VPS13B: variants seen among roughly 807,000 people sequenced by gnomAD.
VPS13B encodes intermembrane lipid transfer protein VPS13B.
Under a neutral mutation model 426.4 loss-of-function variants are expected in VPS13B, and 285 were observed. The observed-to-expected ratio is 0.67, with a 90% CI of 0.61 to 0.74. The LOEUF is 0.74. Among genes scored for constraint, VPS13B ranks in the 30% least tolerant of loss-of-function variants. The pLI is 0.00. For synonymous variants in VPS13B, 1,676 were observed against 1,676.4 expected, an observed-to-expected ratio of 1.00 and a Z score of 0.01; for missense variants, 4,537 against 4,782.6, an observed-to-expected ratio of 0.95 and a Z score of 1.51.
chr8:99,740,286 AGAAAT>A (rs1809635665), intron 39 of VPS13B, among the ~76,000 whole-genome samples: 1 of 152,238 alleles, frequency 6.6e-6, no homozygotes, highest in African/African-American at 2.4e-5. Flanking sequence ...AAGAATAAAA[AGAAAT>A]GAACAAAGCC....
At chr8:99,377,240 C>T (rs1303049889) in intron 19 of VPS13B, among the ~76,000 whole-genome samples, 2 of 152,106 alleles carry the variant, frequency 1.3e-5, no homozygotes, top group African/African-American at 2.4e-5. Context: ...GTAAAATACT[C>T]AGCCATTACC....
At chr8:99,014,017 T>A in intron 2 of VPS13B, 82 bp downstream of exon 2, 4 of 1,598,698 alleles carry the variant, frequency 2.5e-6, no homozygotes, top group Non-Finnish European at 3.4e-6. Context: ...GCTTTGACTT[T>A]ATGCTGTAAA....
chr8:99,071,069 G>A (rs893841975), intron 3 of VPS13B, among the ~76,000 whole-genome samples: 1 of 152,084 alleles, frequency 6.6e-6, no homozygotes, highest in Non-Finnish European at 1.5e-5. Context: ...TCATATCTCT[G>A]TCTCTTCAGG....
intron 19 of VPS13B, among the ~76,000 whole-genome samples, chr8:99,364,748 G>T (rs1256725878): frequency 6.6e-6 from 1 of 152,048 alleles, no homozygotes; most frequent in Non-Finnish European, 1.5e-5. Flanking sequence ...TTCTTTTTTT[G>T]ATGTGTCTTT....
At position 99,876,580 on chromosome 8, in the gene VPS13B, C is replaced by CAATT. The variant is rs969984391; in HGVS notation, c.*916_*919dup. On this transcript the variant is annotated 3_prime_UTR_variant, in exon 62 of 62. Coordinates refer to ENST00000357162, the MANE Select transcript of VPS13B (RefSeq NM_152564.5). ...ACAAGAACCCCAATATTAATGCTAA[C>CAATT]AATTATACCAGTCCATTTTGTTTAT... 16 of 152,186 alleles carry CAATT rather than the reference C, an allele frequency of 1.1e-4. No individual in the cohort carries two copies. Among genetic ancestry groups the CAATT allele is most frequent in the African/African-American group, 3.6e-4 (15 of 41,450 alleles). 9.4% of individuals were successfully genotyped at this position (152,186 alleles called of 1,614,324 possible).
Position 99,474,183 on chromosome 8 carries a change from A to ATTTTTTTTTTTTTTTTTTTTTTTT in VPS13B, c.3666+6569_3666+6570insTTTTTTTTTTTTTTTTTTTTTTTT, listed in dbSNP as rs34752686. ...TCTTCAAACAATGGACTGTTATCCA[A>ATTTTTTTTTTTTTTTTTTTTTTTT]TTTTTTTTTTTTTTTTTTTTGTGGA... is the stretch of plus-strand genomic sequence containing the variant. On this transcript the variant is annotated intron_variant, in intron 24 of 61. Coordinates refer to ENST00000357162, the MANE Select transcript of VPS13B (RefSeq NM_152564.5). Among the ~76,000 whole-genome samples the ATTTTTTTTTTTTTTTTTTTTTTTT allele has an allele frequency of 1.3e-4, 16 of 124,960 alleles. 2 individuals carry two copies. Among genetic ancestry groups the ATTTTTTTTTTTTTTTTTTTTTTTT allele is most frequent in the African/African-American group, 4.6e-4 (14 of 30,754 alleles). 82.0% of individuals were successfully genotyped at this position (124,960 alleles called of 152,430 possible). A position where few individuals can be genotyped will look rare whatever the true frequency, so the allele number is the denominator to read the frequency against.
At chr8:99,849,498 A>G (rs370517335) in intron 55 of VPS13B, among the ~76,000 whole-genome samples, 1 of 152,238 alleles carries the variant, frequency 6.6e-6, no homozygotes, top group South Asian at 2.1e-4. Flanking sequence ...CAAATTAACA[A>G]TGATGTTGTA....
intron 19 of VPS13B, among the ~76,000 whole-genome samples, chr8:99,314,172 G>A (rs892843994): frequency 2.1e-4 from 32 of 152,062 alleles, no homozygotes; most frequent in Admixed American, 2.0e-3. Flanking sequence ...TGCACCCACT[G>A]TCCTGCCCCC....
At position 99,400,732 on chromosome 8, in the gene VPS13B, G is replaced by A. The variant is rs994402909; in HGVS notation, c.3082+9028G>A. Among the ~76,000 whole-genome samples the A allele has an allele frequency of 2.0e-5, 3 of 152,072 alleles. 1 individual carries two copies. The highest frequency in any genetic ancestry group is 2.9e-5 in the Non-Finnish European group (2 of 68,010). On this transcript the variant is annotated intron_variant, in intron 21 of 61. Transcript: ENST00000357162. ...TGTCATCCAGGCTGGAGTGCAGTGC[G>A]CAATCTCAGCTCACTACAACCTCCA... is the stretch of plus-strand genomic sequence containing the variant.
chr8:99,283,957 T>C (rs139875535), intron 19 of VPS13B, among the ~76,000 whole-genome samples: 56 of 152,304 alleles, frequency 3.7e-4, no homozygotes, highest in African/African-American at 1.3e-3. Context: ...ATTGATATTT[T>C]TTCCCGTTAA....
intron 33 of VPS13B, among the ~76,000 whole-genome samples, chr8:99,583,892 C>T (rs1483632310): frequency 1.3e-5 from 2 of 151,968 alleles, no homozygotes; most frequent in African/African-American, 4.8e-5. Context: ...TTGAGGTAGT[C>T]ATGAATGGAA....
At chr8:99,225,646 A>G (rs184312593) in intron 17 of VPS13B, among the ~76,000 whole-genome samples, 24 of 152,298 alleles carry the variant, frequency 1.6e-4, no homozygotes, top group Admixed American at 9.8e-4. Flanking sequence ...CTTGTAAGTC[A>G]TCATGTTCTG....
chr8:99,441,103 G>T (rs1381290904), intron 22 of VPS13B, among the ~76,000 whole-genome samples: 1 of 151,992 alleles, frequency 6.6e-6, no homozygotes, highest in Non-Finnish European at 1.5e-5. Context: ...TATCTAATCT[G>T]CAGTATAAGA....
intron 19 of VPS13B, among the ~76,000 whole-genome samples, chr8:99,360,363 C>G (rs1053314285): frequency 6.7e-6 from 1 of 150,262 alleles, no homozygotes; most frequent in African/African-American, 2.5e-5. Context: ...GTGCAAGCTC[C>G]GCCTCCCGGG....
At chr8:99,253,038 T>C (rs952183298) in intron 17 of VPS13B, among the ~76,000 whole-genome samples, 5 of 152,126 alleles carry the variant, frequency 3.3e-5, no homozygotes, top group Admixed American at 6.5e-5. Flanking sequence ...CTACTTAGTG[T>C]CTCTGTGGAA....
At chr8:99,161,426 T>TA (rs1370091401) in intron 15 of VPS13B, among the ~76,000 whole-genome samples, 1 of 152,204 alleles carries the variant, frequency 6.6e-6, no homozygotes, top group Non-Finnish European at 1.5e-5. Flanking sequence ...GTCATCAATA[T>TA]AGTCACCATC....
intron 34 of VPS13B, among the ~76,000 whole-genome samples, chr8:99,658,800 C>T (rs1016460311): frequency 6.6e-6 from 1 of 151,766 alleles, no homozygotes. Context: ...TTTTTTTGTT[C>T]TTGTTGTTGT....
At chr8:99,316,054 G>T (rs1480412107) in intron 19 of VPS13B, among the ~76,000 whole-genome samples, 2 of 152,206 alleles carry the variant, frequency 1.3e-5, no homozygotes, top group African/African-American at 4.8e-5. Context: ...GTGGTTTTCT[G>T]GTGGGATGCA....
At chr8:99,279,732 A>G (rs1174498747) in intron 19 of VPS13B, among the ~76,000 whole-genome samples, 1 of 152,126 alleles carries the variant, frequency 6.6e-6, no homozygotes, top group Non-Finnish European at 1.5e-5. Flanking sequence ...CATGAATTCT[A>G]TCAGCTTAGA....
Sources: gnomAD v4.1 joint callset for allele counts (sites outside exome capture counted in the v4.1 genomes callset) on GRCh38, gnomAD v4.1.1 for gene constraint, MANE v1.5 for transcripts, NCBI Gene and HGNC (gene_info 2026-07-23, HGNC 2026-07-21) for gene names.